The following WDR25 variants were observed in gnomAD, a reference collection of about 807,000 sequenced individuals.
WDR25 encodes WD repeat-containing protein 25.
A neutral mutation model predicts 47.7 loss-of-function variants in WDR25; 35 were observed. The observed-to-expected ratio is 0.73, with a 90% CI of 0.56 to 0.97. WDR25 has a LOEUF of 0.97. Among genes scored for constraint, WDR25 ranks in the 50% least tolerant of loss-of-function variants. The probability of loss-of-function intolerance (pLI) is 0.00; values close to 1 mark genes in which losing one functional copy is unlikely to be tolerated. For synonymous variants in WDR25, 248 were observed against 278.9 expected (o/e 0.89, Z 1.10); for missense variants, 634 against 704.7 (o/e 0.90, Z 1.14).
At position 100,488,920 on chromosome 14, in the gene WDR25, CAG is replaced by C. The variant is rs529937505; in HGVS notation, c.1101+4797_1101+4798del. Among the ~76,000 whole-genome samples, 8 of 152,330 alleles carry C rather than the reference CAG, an allele frequency of 5.3e-5. No homozygotes were observed. The South Asian group carries it at 1.7e-3, about 32-fold the overall frequency. On this transcript the variant is annotated intron_variant, in intron 4 of 6. Transcript: ENST00000402312. This position sits in a 1 kb window ranked among gnomAD's most constrained non-coding sequence, Gnocchi z 4.2. ...TCACCTCTGTGCCTGGCATCCCCGA[CAG>C]GGCCTGGACCAGAGCAGGTGTTCAG... is the stretch of plus-strand genomic sequence containing the variant.
In WDR25 at chr14:100,525,257, A is replaced by G. The variant is rs941741937; in HGVS notation, c.1102-613A>G. ...GAGAGCAGAAGCTGAATGTGATAAAATCCTCTAAGAAAGCAAAACAACTGC... is the reference window on the plus strand; with the variant it reads ...GAGAGCAGAAGCTGAATGTGATAAAGTCCTCTAAGAAAGCAAAACAACTGC... On this transcript the variant is annotated intron_variant, in intron 4 of 6. Coordinates refer to ENST00000402312, the MANE Select transcript of WDR25 (RefSeq NM_001161476.3). This position sits in a 1 kb window ranked among gnomAD's most constrained non-coding sequence, Gnocchi z 4.6. 1.3e-5 allele frequency among the ~76,000 whole-genome samples: 2 copies of G among 152,262 alleles called. No homozygotes were observed. Among genetic ancestry groups the G allele is most frequent in the African/African-American group, 2.4e-5 (1 of 41,474 alleles).
Position 100,381,376 on chromosome 14 carries a change from A to G in WDR25, c.452A>G (p.Gln151Arg). 1 of 1,614,256 alleles carries G rather than the reference A, an allele frequency of 6.2e-7. No homozygotes were observed. The change falls in exon 2 of 7, where the codon CAA becomes CGA. Residue 151 changes from glutamine (Q) to arginine (R), a missense_variant. Transcript: ENST00000402312. The part of the protein sequence containing the change: ...RNFPKSSFHA[Q>R]SESETVGKNG... ...TTTCCCAAGTCATCTTTCCATGCTC[A>G]AAGTGAGTCTGAAACCGTAGGTAAA...
chr14:100,442,954 G>A (rs1898713773), intron 2 of WDR25, among the ~76,000 whole-genome samples: 1 of 152,232 alleles, frequency 6.6e-6, no homozygotes, highest in Non-Finnish European at 1.5e-5. Flanking sequence ...AGCTCAGTAA[G>A]TTATTTAATT....
Position 100,498,731 on chromosome 14 carries a change from C to G in WDR25, c.1101+14607C>G, listed in dbSNP as rs1385370728. The stretch of plus-strand genomic sequence containing the variant: ...GTGCAGTCTGTACAGTGCAGAGAGG[C>G]ACCTTGCTGAGGGATAGGTGGGGTC... On this transcript the variant is annotated intron_variant, in intron 4 of 6. Coordinates refer to ENST00000402312, the MANE Select transcript of WDR25 (RefSeq NM_001161476.3). This position sits in a 1 kb window ranked among gnomAD's most constrained non-coding sequence, Gnocchi z 4.2. Among the ~76,000 whole-genome samples the G allele has an allele frequency of 6.6e-6, 1 of 152,176 alleles. No individual in the cohort carries two copies. The highest frequency in any genetic ancestry group is 6.5e-5 in the Admixed American group (1 of 15,282).
chr14:100,403,196 G>A lies in WDR25; in HGVS notation c.822+21450G>A, dbSNP rs553515916. Among the ~76,000 whole-genome samples the A allele has an allele frequency of 3.9e-5, 6 of 152,340 alleles. No individual in the cohort carries two copies. The South Asian group carries it at 1.0e-3, about 26-fold the overall frequency. ...ATAGAAATACAAATTGGTATTTGAT[G>A]TACAGAGAAAAATGAGTCGTGCTCC... On this transcript the variant is annotated intron_variant, in intron 2 of 6. Transcript: ENST00000402312.
Position 100,481,397 on chromosome 14 carries a change from A to C in WDR25, c.971-2597A>C, listed in dbSNP as rs962999485. ...TAGTAGCTCTAGAAACATTTTTAAGAAGGAGGGAATCCCACCTCATCCCAT... is the reference window on the plus strand; with the variant it reads ...TAGTAGCTCTAGAAACATTTTTAAGCAGGAGGGAATCCCACCTCATCCCAT... On this transcript the variant is annotated intron_variant, in intron 3 of 6. Coordinates refer to ENST00000402312, the MANE Select transcript of WDR25 (RefSeq NM_001161476.3). 5 of 896,406 alleles carry C rather than the reference A, an allele frequency of 5.6e-6. No individual in the cohort carries two copies. The African/African-American group carries it at 8.8e-5, about 16-fold the overall frequency. 55.5% of individuals were successfully genotyped at this position (896,406 alleles called of 1,614,324 possible).
intron 1 of WDR25, among the ~76,000 whole-genome samples, chr14:100,377,461 G>C (rs1207704880): frequency 6.7e-6 from 1 of 149,010 alleles, no homozygotes; most frequent in African/African-American, 2.5e-5. Context: ...CACTGCACAC[G>C]GCTAAATTTT....
intron 3 of WDR25, among the ~76,000 whole-genome samples, chr14:100,480,423 T>C (rs1428397995): frequency 1.3e-5 from 2 of 152,194 alleles, no homozygotes; most frequent in Non-Finnish European, 2.9e-5. Flanking sequence ...TAAAATTTTC[T>C]CTGTTGATAA....
chr14:100,513,312 A>G (rs963402416), intron 4 of WDR25, among the ~76,000 whole-genome samples: 2 of 152,168 alleles, frequency 1.3e-5, no homozygotes, highest in Non-Finnish European at 2.9e-5. Context: ...CCTTTATAAA[A>G]GGGCTGGAGG....
At chr14:100,478,127 A>C (rs1237574990) in intron 3 of WDR25, among the ~76,000 whole-genome samples, 1 of 127,806 alleles carries the variant, frequency 7.8e-6, no homozygotes, top group African/African-American at 3.0e-5. Context: ...AACAAACAAA[A>C]AAACCTGTAT....
In WDR25 at chr14:100,429,392, C is replaced by T. The variant is rs115883702; in HGVS notation, c.823-38629C>T. 7.1e-3 allele frequency among the ~76,000 whole-genome samples: 1,074 copies of T among 152,238 alleles called. 13 individuals are homozygous for T. Among genetic ancestry groups the T allele is most frequent in the African/African-American group, 0.025 (1,018 of 41,526 alleles). ...GTGAAAGAAAGAGGAGAAGAAGTTG[C>T]CTCCTTGGGCCAAGGGGCTAAGGTG... On this transcript the variant is annotated intron_variant, in intron 2 of 6. Coordinates refer to ENST00000402312, the MANE Select transcript of WDR25 (RefSeq NM_001161476.3).
chr14:100,381,858 C>G (rs1896910429), intron 2 of WDR25, 112 bp downstream of exon 2: 1 of 872,998 alleles, frequency 1.1e-6, no homozygotes, highest in African/African-American at 1.7e-5. Flanking sequence ...GTGCAGATTT[C>G]TGTAATTCCC....
chr14:100,469,410 C>T (rs1899754147), intron 3 of WDR25, among the ~76,000 whole-genome samples: 1 of 152,200 alleles, frequency 6.6e-6, no homozygotes, highest in Non-Finnish European at 1.5e-5. Context: ...ATCCTCACTG[C>T]AGCTGCCAGC....
At chr14:100,419,154 G>A (rs191571409) in intron 2 of WDR25, among the ~76,000 whole-genome samples, 16 of 150,952 alleles carry the variant, frequency 1.1e-4, no homozygotes, top group African/African-American at 3.7e-4. Context: ...CTCTGGAGGC[G>A]GAGATTGCAG....
intron 2 of WDR25, among the ~76,000 whole-genome samples, chr14:100,409,093 G>C (rs1460183332): frequency 6.6e-6 from 1 of 152,150 alleles, no homozygotes; most frequent in African/African-American, 2.4e-5. Flanking sequence ...CCTCCAGGGT[G>C]GGGGATCTGG....
chr14:100,380,831 C>T lies in WDR25; in HGVS notation c.-15-79C>T, dbSNP rs144543136. 2,483 of 1,316,972 alleles carry T rather than the reference C, an allele frequency of 1.9e-3. 33 individuals are homozygous for T. In the Middle Eastern group the frequency reaches 0.021, roughly 11 times the overall value. 81.6% of individuals were successfully genotyped at this position (1,316,972 alleles called of 1,614,324 possible). A position where few individuals can be genotyped will look rare whatever the true frequency, so the allele number is the denominator to read the frequency against. ...TATGAGTGTTGAGTTATTGGATTTC[C>T]TAGGTGACATGGTTTCTTATAACTA... On this transcript the variant is annotated intron_variant, in intron 1 of 6. Transcript: ENST00000402312.
intron 2 of WDR25, among the ~76,000 whole-genome samples, chr14:100,410,617 C>T (rs1006227431): frequency 1.2e-4 from 18 of 151,930 alleles, no homozygotes; most frequent in African/African-American, 4.1e-4. Flanking sequence ...GAGGACAGCC[C>T]GTGCCGAGGC....
At chr14:100,387,468 G>C (rs941680173) in intron 2 of WDR25, among the ~76,000 whole-genome samples, 3 of 152,218 alleles carry the variant, frequency 2.0e-5, no homozygotes, top group African/African-American at 7.2e-5. Context: ...CTGTGTTGGA[G>C]AGCTGGTTCC....
intron 2 of WDR25, among the ~76,000 whole-genome samples, chr14:100,459,850 C>T (rs2140280910): frequency 7.2e-6 from 1 of 139,618 alleles, no homozygotes; most frequent in Middle Eastern, 3.8e-3. Context: ...TCATGGCAGC[C>T]CTGGGAAATG....
Sources: gnomAD v4.1 joint callset for allele counts (sites outside exome capture counted in the v4.1 genomes callset) on GRCh38, gnomAD v4.1.1 for gene constraint, Gnocchi (gnomAD v3.1) non-coding constraint, MANE v1.5 for transcripts, NCBI Gene and HGNC (gene_info 2026-07-23, HGNC 2026-07-21) for gene names.